Variants in MYO16 observed in about 807,000 individuals in gnomAD.
MYO16 encodes the protein myosin XVI, also known as unconventional myosin-XVI.
A neutral mutation model predicts 205.3 loss-of-function variants in MYO16; 94 were observed. That is an observed-to-expected ratio of 0.46 (90% confidence interval 0.39 to 0.54). MYO16 has a LOEUF of 0.54. Among genes scored for constraint, MYO16 ranks in the 20% least tolerant of loss-of-function variants. The probability of loss-of-function intolerance (pLI) is 0.00; values close to 1 mark genes in which losing one functional copy is unlikely to be tolerated. For synonymous variants in MYO16, 988 were observed against 954.0 expected (o/e 1.04, Z -0.66); for missense variants, 2,315 against 2,387.5 (o/e 0.97, Z 0.63).
At chr13:108,734,444 T>A (rs570365254) in intron 4 of MYO16, among the ~76,000 whole-genome samples, 1 of 152,292 alleles carries the variant, frequency 6.6e-6, no homozygotes, top group East Asian at 1.9e-4. Flanking sequence ...TTAAAGATAA[T>A]CATATTTTCA....
chr13:108,986,856 C>T (rs1445105275), intron 20 of MYO16, among the ~76,000 whole-genome samples: 1 of 152,078 alleles, frequency 6.6e-6, no homozygotes, highest in African/African-American at 2.4e-5. Flanking sequence ...TAGTTTTCTG[C>T]AGAGCTTCAT....
At chr13:108,693,155 AAT>A (rs1449954635) in intron 2 of MYO16, among the ~76,000 whole-genome samples, 1 of 152,226 alleles carries the variant, frequency 6.6e-6, no homozygotes, top group Non-Finnish European at 1.5e-5. Context: ...GATAATAAAT[AAT>A]ATATGACTTA....
At chr13:109,012,247 G>A (rs1241996225) in intron 22 of MYO16, among the ~76,000 whole-genome samples, 1 of 152,158 alleles carries the variant, frequency 6.6e-6, no homozygotes, top group Non-Finnish European at 1.5e-5. Flanking sequence ...GCACAGACCA[G>A]TACTGGTCCA....
chr13:108,864,989 C>T (rs1359871405), intron 11 of MYO16, among the ~76,000 whole-genome samples: 2 of 151,856 alleles, frequency 1.3e-5, no homozygotes, highest in African/African-American at 4.8e-5. Flanking sequence ...GTATAATATT[C>T]TTTTTTTTAA....
rs369394853 is a variant in MYO16 at position 108,702,792 on chromosome 13, T to C, written c.293-9869T>C. Among the ~76,000 whole-genome samples the C allele has an allele frequency of 2.2e-3, 329 of 152,254 alleles. 11 individuals carry two copies. The South Asian group carries it at 0.066, about 30-fold the overall frequency. ...TAATGACCCAAAGTTAGAAGGGTAG[T>C]AGTGGTAGAGGGGACAGCTGACTAT... is the stretch of plus-strand genomic sequence containing the variant. On this transcript the variant is annotated intron_variant, in intron 2 of 34. Coordinates refer to ENST00000457511, the MANE Select transcript of MYO16 (RefSeq NM_001198950.3).
chr13:108,540,735 G>A, the MYO16 span, among the ~76,000 whole-genome samples: 1 of 152,022 alleles, frequency 6.6e-6, no homozygotes, highest in Non-Finnish European at 1.5e-5. Context: ...CATGAGTGCT[G>A]CAAAGAGCCC....
chr13:108,818,454 A>G (rs1317523834), intron 7 of MYO16, among the ~76,000 whole-genome samples: 1 of 151,610 alleles, frequency 6.6e-6, no homozygotes, highest in Non-Finnish European at 1.5e-5. Flanking sequence ...AATAATAAAT[A>G]AAAATAAAAA....
At chr13:108,869,868 G>A (rs1878961226) in intron 12 of MYO16, among the ~76,000 whole-genome samples, 1 of 147,656 alleles carries the variant, frequency 6.8e-6, no homozygotes, top group Non-Finnish European at 1.5e-5. Context: ...CAATCTTATT[G>A]CCTGAAACAA....
At chr13:109,108,716 G>T (rs914033426) in intron 28 of MYO16, among the ~76,000 whole-genome samples, 1 of 152,202 alleles carries the variant, frequency 6.6e-6, no homozygotes. Flanking sequence ...GAACTGGAGG[G>T]TTCCTGACCT....
intron 10 of MYO16, among the ~76,000 whole-genome samples, chr13:108,845,292 C>G (rs148786821): frequency 6.6e-6 from 1 of 152,056 alleles, no homozygotes; most frequent in African/African-American, 2.4e-5. Context: ...TAAATTTTAG[C>G]AGGTGTATTC....
the MYO16 span, among the ~76,000 whole-genome samples, chr13:108,553,484 T>C: frequency 1.3e-5 from 2 of 152,180 alleles, no homozygotes; most frequent in African/African-American, 4.8e-5. Context: ...AGAGATAATG[T>C]TTATTTTGTC....
intron 21 of MYO16, among the ~76,000 whole-genome samples, chr13:108,998,612 A>G (rs1885113126): frequency 6.6e-6 from 1 of 152,170 alleles, no homozygotes; most frequent in African/African-American, 2.4e-5. Context: ...ATGCTCACCA[A>G]TTCTTTGGGT....
intron 27 of MYO16, among the ~76,000 whole-genome samples, chr13:109,091,640 T>C (rs963793466): frequency 6.6e-6 from 1 of 152,242 alleles, no homozygotes; most frequent in Admixed American, 6.5e-5. Flanking sequence ...TTCCCTTGGC[T>C]GCTCCAAAAT....
chr13:108,795,413 T>C (rs916793000), intron 6 of MYO16, among the ~76,000 whole-genome samples: 5 of 152,124 alleles, frequency 3.3e-5, no homozygotes, highest in Non-Finnish European at 7.3e-5. Flanking sequence ...TTTCACCATG[T>C]TAGCCAGGCT....
At chr13:108,801,300 T>C (rs1307969728) in intron 6 of MYO16, among the ~76,000 whole-genome samples, 1 of 152,198 alleles carries the variant, frequency 6.6e-6, no homozygotes, top group African/African-American at 2.4e-5. Context: ...TAAATAATAG[T>C]GAAGATCAGA....
chr13:108,701,088 G>A (rs547538570), intron 2 of MYO16, among the ~76,000 whole-genome samples: 3 of 152,144 alleles, frequency 2.0e-5, no homozygotes, highest in Admixed American at 1.3e-4. Context: ...TAAATGAGCA[G>A]AGATTTCAGT....
chr13:109,163,262 C>T (rs1042935307), intron 32 of MYO16, among the ~76,000 whole-genome samples: 14 of 152,026 alleles, frequency 9.2e-5, no homozygotes, highest in Non-Finnish European at 2.1e-4. Flanking sequence ...GGGGTTGATG[C>T]GGGAGAGGGC....
At chr13:108,533,538 A>G in the MYO16 span, among the ~76,000 whole-genome samples, 7 of 152,170 alleles carry the variant, frequency 4.6e-5, no homozygotes, top group Non-Finnish European at 1.0e-4. Flanking sequence ...AGCTTGGGTG[A>G]ACTTTCTGGA....
chr13:108,792,356 G>A lies in MYO16; in HGVS notation c.617-1160G>A, dbSNP rs112403437. 3.1e-3 allele frequency among the ~76,000 whole-genome samples: 470 copies of A among 152,174 alleles called. 3 individuals are homozygous for A. Among genetic ancestry groups the A allele is most frequent in the African/African-American group, 0.011 (447 of 41,496 alleles). On this transcript the variant is annotated intron_variant, in intron 5 of 34. Coordinates refer to ENST00000457511, the MANE Select transcript of MYO16 (RefSeq NM_001198950.3). Reference sequence around the variant, plus strand: ...GATTACAAGAAAGTCTAAAGACAGCGCAGAGTTCCCAAATGCCCTCCACAG... The same window carrying A: ...GATTACAAGAAAGTCTAAAGACAGCACAGAGTTCCCAAATGCCCTCCACAG...
Sources: allele counts gnomAD v4.1 joint callset (sites outside exome capture counted in the v4.1 genomes callset), GRCh38; gene constraint gnomAD v4.1.1; transcripts MANE v1.5; gene names NCBI Gene and HGNC (gene_info 2026-07-23, HGNC 2026-07-21).